The following CNTN5 variants were observed in gnomAD, a reference collection of about 807,000 sequenced individuals.
CNTN5 encodes the protein contactin-5.
CNTN5 carries 77 observed loss-of-function variants against 129.1 expected under a neutral mutation model. The ratio of observed to expected loss-of-function variants is 0.60; its 90% confidence interval spans 0.50 to 0.72. The LOEUF (loss-of-function observed/expected upper bound fraction) is 0.72. CNTN5 is among the 30% of genes least tolerant of loss of function. The pLI is 0.00. For missense variants in CNTN5, 1,478 were observed against 1,328.8 expected (o/e 1.11, Z -1.75); for synonymous variants, 509 against 465.6 (o/e 1.09, Z -1.20).
At position 100,026,931 on chromosome 11, in the gene CNTN5, T is replaced by C. The variant is rs1029450677; in HGVS notation, c.980+24795T>C. ...TTCATGGATTATGCCTTTGATAGTG[T>C]ATCTAAAATGTCATTATCAAAACCA... is the stretch of plus-strand genomic sequence containing the variant. On this transcript the variant is annotated intron_variant, in intron 9 of 24. Transcript: ENST00000524871. Among the ~76,000 whole-genome samples, 7 of 152,256 alleles carry C rather than the reference T, an allele frequency of 4.6e-5. No homozygotes were observed. In the East Asian group the frequency reaches 1.4e-3, roughly 29 times the overall value.
At chr11:99,121,514 T>C (rs17133071) in intron 1 of CNTN5, among the ~76,000 whole-genome samples, 1 of 152,160 alleles carries the variant, frequency 6.6e-6, no homozygotes, top group Admixed American at 6.5e-5. Context: ...CTGGGCCAAA[T>C]GTAGGATTAT....
At chr11:99,560,930 ACTT>A (rs1249171071) in intron 3 of CNTN5, among the ~76,000 whole-genome samples, 6 of 152,100 alleles carry the variant, frequency 3.9e-5, no homozygotes, top group Admixed American at 3.9e-4. Context: ...GTGTGTGTAT[ACTT>A]CTGCAGATAT....
chr11:99,774,926 G>A (rs1945073423), intron 3 of CNTN5, among the ~76,000 whole-genome samples: 1 of 152,032 alleles, frequency 6.6e-6, no homozygotes, highest in South Asian at 2.1e-4. Flanking sequence ...TGATTTGGCT[G>A]CATTTATAGG....
At chr11:100,229,046 C>G (rs1054686053) in intron 16 of CNTN5, among the ~76,000 whole-genome samples, 1 of 152,160 alleles carries the variant, frequency 6.6e-6, no homozygotes, top group Admixed American at 6.5e-5. Context: ...ACAGCTCACA[C>G]ACCAAGGAAG....
At chr11:99,227,690 T>C (rs1201508364) in intron 1 of CNTN5, among the ~76,000 whole-genome samples, 1 of 152,180 alleles carries the variant, frequency 6.6e-6, no homozygotes, top group Non-Finnish European at 1.5e-5. Flanking sequence ...AAATGTATCG[T>C]TTGAATTCAA....
intron 2 of CNTN5, among the ~76,000 whole-genome samples, chr11:99,507,525 A>C (rs7950260): frequency 0.035 from 5,375 of 152,248 alleles, 108 homozygotes; most frequent in Middle Eastern, 0.075. Flanking sequence ...TATTGACCAA[A>C]AAATGGGTTG....
At chr11:100,246,245 T>C (rs75478354) in intron 16 of CNTN5, among the ~76,000 whole-genome samples, 4,691 of 152,260 alleles carry the variant, frequency 0.031, 219 homozygotes, top group African/African-American at 0.11. Flanking sequence ...CATCACCCTA[T>C]GTATTTTTCA....
rs1565356098 is a variant in CNTN5 at position 99,620,508 on chromosome 11, C to CTTTTCT, written c.55+64243_55+64244insCTTTTT. Among the ~76,000 whole-genome samples, 15 of 107,000 alleles carry CTTTTCT rather than the reference C, an allele frequency of 1.4e-4. 1 individual carries two copies. The highest frequency in any genetic ancestry group is 8.8e-4 in the East Asian group (3 of 3,400). 70.2% of individuals were successfully genotyped at this position (107,000 alleles called of 152,430 possible). A position where few individuals can be genotyped will look rare whatever the true frequency, so the allele number is the denominator to read the frequency against. On this transcript the variant is annotated intron_variant, in intron 3 of 24. Transcript: ENST00000524871. ...GATCTTAAAACTCTTTTTTTCTTTT[C>CTTTTCT]TTTTTTTTTTTTTTCTTTTTGCTCT... is the stretch of plus-strand genomic sequence containing the variant.
chr11:100,127,354 T>A (rs141616702), intron 13 of CNTN5, among the ~76,000 whole-genome samples: 58 of 152,102 alleles, frequency 3.8e-4, no homozygotes, highest in Non-Finnish European at 6.0e-4. Flanking sequence ...ATGATAACAA[T>A]CCTTTGAAAG....
At chr11:99,672,465 G>A (rs369996112) in intron 3 of CNTN5, among the ~76,000 whole-genome samples, 1 of 151,622 alleles carries the variant, frequency 6.6e-6, no homozygotes, top group South Asian at 2.1e-4. Flanking sequence ...TAGAGATTTG[G>A]CCCCCAGAGG....
At chr11:99,788,010 C>T (rs1472208700) in intron 3 of CNTN5, among the ~76,000 whole-genome samples, 7 of 151,752 alleles carry the variant, frequency 4.6e-5, no homozygotes, top group Non-Finnish European at 2.9e-5. Context: ...TACTAAAATC[C>T]TAACATGACT....
chr11:99,689,634 A>G (rs1053610368), intron 3 of CNTN5, among the ~76,000 whole-genome samples: 2 of 149,014 alleles, frequency 1.3e-5, no homozygotes, highest in African/African-American at 4.9e-5. Context: ...AACTGGTGTG[A>G]GATGGTATCT....
chr11:99,134,180 C>G (rs1040446607), intron 1 of CNTN5, among the ~76,000 whole-genome samples: 1 of 152,144 alleles, frequency 6.6e-6, no homozygotes, highest in African/African-American at 2.4e-5. Flanking sequence ...CATGTTCTCA[C>G]TTCTAAGTGG....
intron 2 of CNTN5, among the ~76,000 whole-genome samples, chr11:99,330,014 T>C (rs1438804118): frequency 2.0e-5 from 3 of 150,398 alleles, no homozygotes; most frequent in Non-Finnish European, 1.5e-5. Flanking sequence ...GTTATTATTG[T>C]CATAGAATAA....
intron 6 of CNTN5, among the ~76,000 whole-genome samples, chr11:99,914,057 G>C (rs997468471): frequency 1.3e-5 from 2 of 152,040 alleles, no homozygotes; most frequent in Admixed American, 6.6e-5. Flanking sequence ...GCAACATAGC[G>C]AGACTCTGTC....
At position 100,207,459 on chromosome 11, in the gene CNTN5, A is replaced by G. The variant is rs1425640823; in HGVS notation, c.1884+13796A>G. ...ATTTTCAGGCAAAATTAGATAAAAT[A>G]ATTTAGATTGCTTTACCAGTGAAGA... On this transcript the variant is annotated intron_variant, in intron 15 of 24. Transcript: ENST00000524871. Among the ~76,000 whole-genome samples, 3 of 152,164 alleles carry G rather than the reference A, an allele frequency of 2.0e-5. No individual in the cohort carries two copies. The East Asian group carries it at 5.8e-4, about 29-fold the overall frequency.
At chr11:99,747,519 G>T (rs183426817) in intron 3 of CNTN5, among the ~76,000 whole-genome samples, 2 of 136,128 alleles carry the variant, frequency 1.5e-5, no homozygotes, top group East Asian at 4.3e-4. Flanking sequence ...AGGCTGGAGT[G>T]CAGTGGCACG....
chr11:99,769,781 A>G (rs1032495364), intron 3 of CNTN5, among the ~76,000 whole-genome samples: 1 of 148,134 alleles, frequency 6.8e-6, no homozygotes, highest in Non-Finnish European at 1.5e-5. Flanking sequence ...TCGCCACTGC[A>G]CTCCAGACTG....
At chr11:99,066,937 A>G (rs1179909907) in intron 1 of CNTN5, among the ~76,000 whole-genome samples, 1 of 152,138 alleles carries the variant, frequency 6.6e-6, no homozygotes, top group Non-Finnish European at 1.5e-5. Flanking sequence ...TAGATCTAGG[A>G]CCAATCCAGG....
Sources: allele counts gnomAD v4.1 joint callset (sites outside exome capture counted in the v4.1 genomes callset), GRCh38; gene constraint gnomAD v4.1.1; transcripts MANE v1.5; gene names NCBI Gene and HGNC (gene_info 2026-07-23, HGNC 2026-07-21).